Variants in CHAT observed in about 807,000 individuals in gnomAD.
The protein encoded by CHAT is choline O-acetyltransferase.
A neutral mutation model predicts 76.9 loss-of-function variants in CHAT; 61 were observed. That is an observed-to-expected ratio of 0.79 (90% confidence interval 0.65 to 0.98). The LOEUF (loss-of-function observed/expected upper bound fraction) is 0.98. Ranked by LOEUF, CHAT falls within the 50% of genes least tolerant of loss-of-function variation. CHAT has a pLI of 0.00. For missense variants in CHAT, 946 were observed against 986.9 expected, an observed-to-expected ratio of 0.96 and a Z score of 0.56; for synonymous variants, 407 against 397.4, an observed-to-expected ratio of 1.02 and a Z score of -0.29.
chr10:49,664,452 T>G (rs1452568782), intron 14 of CHAT, among the ~76,000 whole-genome samples: 1 of 152,186 alleles, frequency 6.6e-6, no homozygotes, highest in African/African-American at 2.4e-5. Context: ...GTAAATTACC[T>G]GATTGCCTCC....
At chr10:49,621,964 G>T (rs7091436) in intron 4 of CHAT, 133 bp from the exon 5 acceptor site, 2 of 226,288 alleles carry the variant, frequency 8.8e-6, no homozygotes, top group African/African-American at 1.2e-4. Flanking sequence ...AGGGAGGGAG[G>T]AGGGAGGGAG....
At chr10:49,620,989 T>A (rs1181480697) in intron 4 of CHAT, among the ~76,000 whole-genome samples, 1 of 152,174 alleles carries the variant, frequency 6.6e-6, no homozygotes, top group Non-Finnish European at 1.5e-5. Context: ...GGCCTCTGCT[T>A]CCTTCCAGAG....
At position 49,634,995 on chromosome 10, in the gene CHAT, T is replaced by C. The variant is rs111777294; in HGVS notation, c.1111+7210T>C. On this transcript the variant is annotated intron_variant, in intron 7 of 14. Coordinates refer to ENST00000337653, the MANE Select transcript of CHAT (RefSeq NM_020549.5). Reference sequence around the variant, plus strand: ...CATTTTCCAAAACTATAGTACAATATCACAACCAGGATACTGACATTGATA... The same window carrying C: ...CATTTTCCAAAACTATAGTACAATACCACAACCAGGATACTGACATTGATA... 7.5e-3 allele frequency among the ~76,000 whole-genome samples: 1,136 copies of C among 152,316 alleles called. 17 individuals carry two copies. The highest frequency in any genetic ancestry group is 0.026 in the African/African-American group (1,082 of 41,562).
At chr10:49,612,370 C>G (rs1214897578), upstream of CHAT, 2 of 1,553,814 alleles carry the variant, frequency 1.3e-6, no homozygotes, top group Non-Finnish European at 1.7e-6. Flanking sequence ...CCCACCCAAC[C>G]GCCTTGGGTC....
intron 5 of CHAT, among the ~76,000 whole-genome samples, chr10:49,623,722 G>T (rs533618335): frequency 1.3e-5 from 2 of 152,174 alleles, no homozygotes; most frequent in African/African-American, 4.8e-5. Flanking sequence ...GTCGAGCCAT[G>T]TCCGTAAGTG....
Position 49,649,509 on chromosome 10 carries a change from A to G in CHAT, c.1384A>G (p.Thr462Ala), listed in dbSNP as rs781625888. Residue 462 changes from threonine (T) to alanine (A), a missense_variant and splice_region_variant, in exon 10 of 15, where the codon ACG (threonine) becomes GCG (alanine). Coordinates refer to ENST00000337653, the MANE Select transcript of CHAT (RefSeq NM_020549.5). The part of the protein sequence containing the change: ...QCTEHLLKHV[T>A]QSSRKLIRAD... ...AGGAGGTTGCCTCTGTGCCCGCAGG[A>G]CGCAGAGCAGCAGGAAGCTGATCCG... The G allele has an allele frequency of 2.1e-5, 34 of 1,613,834 alleles. No individual in the cohort carries two copies. In the South Asian group the frequency reaches 3.5e-4, roughly 17 times the overall value.
chr10:49,654,510 G>A (rs1590619234), intron 11 of CHAT, among the ~76,000 whole-genome samples: 1 of 152,362 alleles, frequency 6.6e-6, no homozygotes, highest in East Asian at 1.9e-4. Context: ...AAGGACAGAG[G>A]AGTCCCCTGG....
chr10:49,616,350 T>G (rs1052945207), intron 1 of CHAT, 152 bp from the exon 2 acceptor site: 2 of 730,338 alleles, frequency 2.7e-6, no homozygotes, highest in African/African-American at 3.5e-5. Context: ...AAGTAGAGAC[T>G]GGGGCCACGC....
chr10:49,650,185 G>T (rs182461919), intron 10 of CHAT, among the ~76,000 whole-genome samples: 9 of 152,274 alleles, frequency 5.9e-5, no homozygotes, highest in Admixed American at 2.6e-4. Flanking sequence ...AAGCAAGCAC[G>T]AATGCATTCA....
At chr10:49,629,809 A>G (rs1839052665) in intron 7 of CHAT, among the ~76,000 whole-genome samples, 1 of 152,224 alleles carries the variant, frequency 6.6e-6, no homozygotes, top group Admixed American at 6.5e-5. Flanking sequence ...CTGATCCTTC[A>G]CAGATCCCCC....
chr10:49,651,118 A>G (rs1839862256), intron 10 of CHAT, among the ~76,000 whole-genome samples: 1 of 152,036 alleles, frequency 6.6e-6, no homozygotes, highest in African/African-American at 2.4e-5. Context: ...CCGAGTGGGC[A>G]CAGCTTGGGG....
At chr10:49,612,718 G>A (rs1294637294), upstream of CHAT, 4 of 224,380 alleles carry the variant, frequency 1.8e-5, no homozygotes, top group Non-Finnish European at 2.7e-5. Context: ...GTCTGTCCCA[G>A]GAGGCCGAGT....
chr10:49,636,782 T>A (rs1839306843), intron 7 of CHAT, among the ~76,000 whole-genome samples: 2 of 152,140 alleles, frequency 1.3e-5, no homozygotes, highest in African/African-American at 4.8e-5. Flanking sequence ...ATCACCAAGG[T>A]CTGATTTTTC....
intron 7 of CHAT, among the ~76,000 whole-genome samples, chr10:49,644,137 C>T (rs4838541): frequency 0.43 from 64,955 of 152,136 alleles, 14,751 homozygotes; most frequent in Non-Finnish European, 0.5. Context: ...AGGGCTGGTA[C>T]TGCCAGAGGA....
intron 5 of CHAT, among the ~76,000 whole-genome samples, chr10:49,623,532 A>G (rs1838804746): frequency 6.6e-6 from 1 of 152,204 alleles, no homozygotes; most frequent in African/African-American, 2.4e-5. Context: ...AAATGTCCTT[A>G]GACTATTGGG....
intron 7 of CHAT, among the ~76,000 whole-genome samples, chr10:49,628,244 C>A (rs1838995570): frequency 1.3e-5 from 2 of 152,124 alleles, no homozygotes; most frequent in Admixed American, 1.3e-4. Flanking sequence ...TGTCCCTTAT[C>A]TTGTGGCACT....
upstream of CHAT, chr10:49,611,574 G>A (rs1838298140): frequency 6.2e-7 from 1 of 1,607,824 alleles, no homozygotes; most frequent in South Asian, 1.1e-5. Context: ...ACCTGCCAGT[G>A]GGCACTCCCA....
At chr10:49,645,155 A>G (rs1478555994) in intron 7 of CHAT, among the ~76,000 whole-genome samples, 3 of 152,234 alleles carry the variant, frequency 2.0e-5, no homozygotes, top group Non-Finnish European at 4.4e-5. Flanking sequence ...GTACCAAGCT[A>G]AAAACCAGGG....
At chr10:49,628,500 T>A (rs961138378) in intron 7 of CHAT, among the ~76,000 whole-genome samples, 3 of 152,146 alleles carry the variant, frequency 2.0e-5, no homozygotes, top group Admixed American at 2.0e-4. Flanking sequence ...CATCTGTTAC[T>A]GAGGGCCCTG....
Sources: gnomAD v4.1 joint callset for allele counts (sites outside exome capture counted in the v4.1 genomes callset) on GRCh38, gnomAD v4.1.1 for gene constraint, MANE v1.5 for transcripts, NCBI Gene and HGNC (gene_info 2026-07-23, HGNC 2026-07-21) for gene names.